The following ELMOD1 variants were observed in gnomAD, a reference collection of about 807,000 sequenced individuals.
The protein encoded by ELMOD1 is ELMO domain containing 1.
ELMOD1 carries 21 observed loss-of-function variants against 46.7 expected under a neutral mutation model. The ratio of observed to expected loss-of-function variants is 0.45; its 90% CI spans 0.32 to 0.65. ELMOD1 has a LOEUF of 0.65. ELMOD1 is among the 30% of genes least tolerant of loss of function. ELMOD1 has a pLI of 0.04. For synonymous variants in ELMOD1, 122 were observed against 138.2 expected, an observed-to-expected ratio of 0.88 and a Z score of 0.82; for missense variants, 348 against 407.8, an observed-to-expected ratio of 0.85 and a Z score of 1.26.
intron 6 of ELMOD1, among the ~76,000 whole-genome samples, chr11:107,639,832 TGAGTGGATTCCTTA>T (rs1029878562): frequency 1.3e-5 from 2 of 152,242 alleles, no homozygotes; most frequent in African/African-American, 4.8e-5. Context: ...CAGTCTTAGA[TGAGTGGATTCCTTA>T]GAGTCCCCAC....
chr11:107,617,348 T>C (rs1461925445), intron 1 of ELMOD1, among the ~76,000 whole-genome samples: 1 of 152,214 alleles, frequency 6.6e-6, no homozygotes, highest in African/African-American at 2.4e-5. Context: ...GGATGTTCCA[T>C]TTCTCTCTTT....
At chr11:107,645,590 G>C (rs547090178) in intron 6 of ELMOD1, among the ~76,000 whole-genome samples, 1 of 152,278 alleles carries the variant, frequency 6.6e-6, no homozygotes, top group East Asian at 1.9e-4. Context: ...TTCCCAAAGT[G>C]CTGGGATTAC....
chr11:107,622,743 G>A (rs780085220), intron 2 of ELMOD1, among the ~76,000 whole-genome samples: 11 of 152,194 alleles, frequency 7.2e-5, no homozygotes, highest in Non-Finnish European at 1.2e-4. Flanking sequence ...AATTTGATTA[G>A]CATTGCTTGA....
chr11:107,596,711 A>G (rs1468156848), intron 1 of ELMOD1, among the ~76,000 whole-genome samples: 1 of 152,180 alleles, frequency 6.6e-6, no homozygotes, highest in African/African-American at 2.4e-5. Context: ...TAGAATTTTG[A>G]CTTTCATATT....
intron 1 of ELMOD1, among the ~76,000 whole-genome samples, chr11:107,611,543 A>AT (rs903006621): frequency 6.6e-6 from 1 of 151,840 alleles, no homozygotes; most frequent in Admixed American, 6.6e-5. Context: ...TACTAAAAAT[A>AT]TTTTTTAAAA....
intron 2 of ELMOD1, chr11:107,624,000 T>C (rs1865999429): frequency 6.6e-6 from 1 of 152,222 alleles, no homozygotes; most frequent in African/African-American, 2.4e-5. Context: ...AAAAATTAAT[T>C]TGTTCACAAT....
At chr11:107,632,831 G>A (rs1273373359) in intron 5 of ELMOD1, among the ~76,000 whole-genome samples, 1 of 152,106 alleles carries the variant, frequency 6.6e-6, no homozygotes, top group Non-Finnish European at 1.5e-5. Flanking sequence ...TATATAAGGT[G>A]CATTCAAGAG....
intron 1 of ELMOD1, among the ~76,000 whole-genome samples, chr11:107,612,402 A>G (rs991416966): frequency 2.0e-5 from 3 of 152,200 alleles, no homozygotes; most frequent in African/African-American, 7.2e-5. Flanking sequence ...TAACTATTGG[A>G]TACTATGCTC....
At chr11:107,603,713 C>T (rs1342120384) in intron 1 of ELMOD1, among the ~76,000 whole-genome samples, 4 of 151,974 alleles carry the variant, frequency 2.6e-5, no homozygotes, top group African/African-American at 4.8e-5. Context: ...CCCGTCTCTA[C>T]TAAAAATACA....
intron 2 of ELMOD1, among the ~76,000 whole-genome samples, chr11:107,625,870 T>A (rs1160255790): frequency 6.6e-6 from 1 of 152,206 alleles, no homozygotes; most frequent in Non-Finnish European, 1.5e-5. Context: ...GTAGTAGCTC[T>A]TATTATTGAA....
At chr11:107,630,753 C>CT (rs748419930) in intron 4 of ELMOD1, 25 bp downstream of exon 4, 26 of 1,580,614 alleles carry the variant, frequency 1.6e-5, no homozygotes, top group Admixed American at 7.3e-5. Context: ...TTTTCAGCAG[C>CT]TTTTTTTTCA....
intron 2 of ELMOD1, among the ~76,000 whole-genome samples, chr11:107,618,771 T>G (rs1865901315): frequency 6.6e-6 from 1 of 152,138 alleles, no homozygotes; most frequent in Non-Finnish European, 1.5e-5. Context: ...AATTGGTATG[T>G]TTGGGGTGAT....
chr11:107,637,706 CAA>C (rs57052335), intron 6 of ELMOD1, among the ~76,000 whole-genome samples: 38 of 145,364 alleles, frequency 2.6e-4, no homozygotes, highest in South Asian at 4.5e-4. Context: ...ACAAACAAAC[CAA>C]AAAAAAAAAA....
intron 6 of ELMOD1, among the ~76,000 whole-genome samples, chr11:107,637,706 CAAA>C (rs57052335): frequency 6.9e-6 from 1 of 145,372 alleles, no homozygotes; most frequent in South Asian, 2.2e-4. Context: ...ACAAACAAAC[CAAA>C]AAAAAAAAAA....
chr11:107,629,740 A>G (rs924057224), intron 2 of ELMOD1, among the ~76,000 whole-genome samples: 4 of 152,190 alleles, frequency 2.6e-5, no homozygotes, highest in Non-Finnish European at 5.9e-5. Flanking sequence ...CATTTAAATC[A>G]CGGAAGGTCG....
intron 1 of ELMOD1, among the ~76,000 whole-genome samples, chr11:107,615,682 T>A (rs1865850310): frequency 6.6e-6 from 1 of 152,210 alleles, no homozygotes; most frequent in Non-Finnish European, 1.5e-5. Context: ...CCAATCAGGA[T>A]AATACATTAC....
At chr11:107,627,977 C>T (rs1481088762) in intron 2 of ELMOD1, among the ~76,000 whole-genome samples, 1 of 151,852 alleles carries the variant, frequency 6.6e-6, no homozygotes, top group Non-Finnish European at 1.5e-5. Context: ...TTATCTTTGA[C>T]TTAGTAATTA....
chr11:107,663,207 C>G (rs1453419093), intron 11 of ELMOD1, among the ~76,000 whole-genome samples: 1 of 152,154 alleles, frequency 6.6e-6, no homozygotes, highest in African/African-American at 2.4e-5. Flanking sequence ...CTGATGTGTT[C>G]AGGTTCCCAT....
intron 2 of ELMOD1, among the ~76,000 whole-genome samples, chr11:107,629,045 G>A (rs1002160953): frequency 6.6e-6 from 1 of 152,114 alleles, no homozygotes; most frequent in African/African-American, 2.4e-5. Flanking sequence ...TGCCTGCAAA[G>A]TATTCCATTA....
Sources: gnomAD v4.1 joint callset for allele counts (sites outside exome capture counted in the v4.1 genomes callset) on GRCh38, gnomAD v4.1.1 for gene constraint, MANE v1.5 for transcripts, NCBI Gene and HGNC (gene_info 2026-07-23, HGNC 2026-07-21) for gene names.